Variants in THAP2 observed in about 807,000 individuals in gnomAD.
THAP2 encodes the protein THAP domain containing 2.
In THAP2, 16 loss-of-function variants were observed where a neutral mutation model predicts 18.8. The observed-to-expected ratio is 0.85, with a 90% CI of 0.58 to 1.29. The LOEUF (loss-of-function observed/expected upper bound fraction) is 1.29. Ranked by LOEUF, THAP2 falls within the 50% of genes most tolerant of loss-of-function variation. The pLI is 0.00. For missense variants in THAP2, 251 were observed against 265.3 expected, an observed-to-expected ratio of 0.95 and a Z score of 0.38; for synonymous variants, 80 against 89.2, an observed-to-expected ratio of 0.90 and a Z score of 0.58.
At chr12:71,670,104 GT>G (rs1284932344) in intron 1 of THAP2, among the ~76,000 whole-genome samples, 1 of 152,102 alleles carries the variant, frequency 6.6e-6, no homozygotes, top group African/African-American at 2.4e-5. Flanking sequence ...AGTGTTGACT[GT>G]AAATCCAGAC....
In THAP2 at chr12:71,678,240, A is replaced by G. The variant is rs1437430787; in HGVS notation, c.*1132A>G. On this transcript the variant is annotated 3_prime_UTR_variant, in exon 3 of 3. Coordinates refer to ENST00000308086, the MANE Select transcript of THAP2 (RefSeq NM_031435.4). Reference sequence around the variant, plus strand: ...AACCTAGGAGGTTGAGGCTATAGTGAGCTGTGATTGCACGACTGCACTCCA... The same window carrying G: ...AACCTAGGAGGTTGAGGCTATAGTGGGCTGTGATTGCACGACTGCACTCCA... 2 of 152,468 alleles carry G rather than the reference A, an allele frequency of 1.3e-5. No individual in the cohort carries two copies. Among genetic ancestry groups the G allele is most frequent in the African/African-American group, 4.8e-5 (2 of 41,404 alleles). The allele number at this position is 152,468 out of a possible 1,614,324, so 9.4% of individuals were successfully genotyped here. A position where few individuals can be genotyped will look rare whatever the true frequency, so the allele number is the denominator to read the frequency against.
intron 1 of THAP2, among the ~76,000 whole-genome samples, chr12:71,672,688 C>T (rs1050866493): frequency 2.0e-5 from 3 of 151,550 alleles, no homozygotes; most frequent in African/African-American, 7.3e-5. Context: ...TGGCAGGCAA[C>T]AACAGCTGCA....
chr12:71,667,444 C>T (rs1393452093), intron 1 of THAP2: 1 of 152,218 alleles, frequency 6.6e-6, no homozygotes, highest in Admixed American at 6.5e-5. Context: ...CAAGTGTCTA[C>T]TCAGTATTTC....
rs1881290170 is a variant in THAP2 at position 71,664,500 on chromosome 12, G to T, written c.-10G>T. 6.2e-7 allele frequency: 1 copy of T among 1,614,148 alleles called. No homozygotes were observed. Among genetic ancestry groups the T allele is most frequent in the Non-Finnish European group, 8.5e-7 (1 of 1,180,032 alleles). On this transcript the variant is annotated 5_prime_UTR_variant, in exon 1 of 3. Coordinates refer to ENST00000308086, the MANE Select transcript of THAP2 (RefSeq NM_031435.4). ...GAGACCTAAGGGCGCTGAATGAGTG[G>T]GAAAGGGAAATGCCGACCAATTGCG... is the stretch of plus-strand genomic sequence containing the variant.
chr12:71,671,519 A>T lies in THAP2; in HGVS notation c.72-2684A>T, dbSNP rs77501953. Among the ~76,000 whole-genome samples the T allele has an allele frequency of 8.8e-3, 1,340 of 152,310 alleles. 12 individuals are homozygous for T. The highest frequency in any genetic ancestry group is 0.015 in the Non-Finnish European group (1,032 of 68,024). On this transcript the variant is annotated intron_variant, in intron 1 of 2. Coordinates refer to ENST00000308086, the MANE Select transcript of THAP2 (RefSeq NM_031435.4). ...GCCCACCTTTTTTGCCATATCAACAATCTCATTCATGATTTCCCTTATCAG... is the reference window on the plus strand; with the variant it reads ...GCCCACCTTTTTTGCCATATCAACATTCTCATTCATGATTTCCCTTATCAG...
At chr12:71,674,060 T>C (rs1881482957) in intron 1 of THAP2, 143 bp from the exon 2 acceptor site, 1 of 756,402 alleles carries the variant, frequency 1.3e-6, no homozygotes, top group African/African-American at 1.7e-5. Context: ...TTGGTTTCTG[T>C]TCCAGTGTCT....
chr12:71,673,832 G>C (rs1881479211), intron 1 of THAP2, among the ~76,000 whole-genome samples: 1 of 152,074 alleles, frequency 6.6e-6, no homozygotes. Flanking sequence ...GATTTTTCTT[G>C]ACTACATATA....
At chr12:71,675,864 C>T (rs1369169277) in intron 2 of THAP2, among the ~76,000 whole-genome samples, 1 of 151,924 alleles carries the variant, frequency 6.6e-6, no homozygotes, top group African/African-American at 2.4e-5. Context: ...AAAAATTATT[C>T]TTATGGCAGA....
intron 1 of THAP2, chr12:71,667,639 T>C (rs1224560997): frequency 6.6e-6 from 1 of 152,236 alleles, no homozygotes; most frequent in African/African-American, 2.4e-5. Flanking sequence ...AGTAGGCTCT[T>C]AACTGGCTCA....
At chr12:71,675,230 A>G (rs1881503434) in intron 2 of THAP2, among the ~76,000 whole-genome samples, 1 of 152,006 alleles carries the variant, frequency 6.6e-6, no homozygotes, top group African/African-American at 2.4e-5. Flanking sequence ...TGTAACTGTT[A>G]AACTTTTAAA....
At position 71,676,899 on chromosome 12, in the gene THAP2, C is replaced by G. The variant is rs374931585; in HGVS notation, c.478C>G (p.Arg160Gly). Residue 160 changes from arginine (R) to glycine (G), a missense_variant, in exon 3 of 3, where the codon CGC (arginine) becomes GGC (glycine). Arg to Gly is a moderately radical substitution (Grantham distance 125). Transcript: ENST00000308086. ...AATGAAAACTTGCCTACAAAAGGAACGCAGAGCAACTCGAAGATGGATCAA... is the reference window on the plus strand; with the variant it reads ...AATGAAAACTTGCCTACAAAAGGAAGGCAGAGCAACTCGAAGATGGATCAA... ...RKMKTCLQKE[R>G]RATRRWIKAT... 6.2e-7 allele frequency: 1 copy of G among 1,613,650 alleles called. No homozygotes were observed. The highest frequency in any genetic ancestry group is 8.5e-7 in the Non-Finnish European group (1 of 1,179,690).
chr12:71,665,360 T>A (rs1287872008), intron 1 of THAP2: 2 of 165,024 alleles, frequency 1.2e-5, no homozygotes, highest in African/African-American at 2.4e-5. Flanking sequence ...TATATGTTAG[T>A]ATGTAGAAAT....
At chr12:71,670,798 G>C (rs1308262906) in intron 1 of THAP2, among the ~76,000 whole-genome samples, 1 of 151,772 alleles carries the variant, frequency 6.6e-6, no homozygotes, top group Non-Finnish European at 1.5e-5. Context: ...AATTAAGCGT[G>C]CGTGGTGGCA....
intron 1 of THAP2, among the ~76,000 whole-genome samples, chr12:71,670,076 G>A (rs1196021784): frequency 6.6e-6 from 1 of 152,100 alleles, no homozygotes; most frequent in Non-Finnish European, 1.5e-5. Flanking sequence ...TGAGGGGGAT[G>A]GGGACAGAAG....
chr12:71,668,526 A>G (rs191603483), intron 1 of THAP2, among the ~76,000 whole-genome samples: 22 of 152,304 alleles, frequency 1.4e-4, no homozygotes, highest in South Asian at 1.0e-3. Flanking sequence ...TATGCAAAGG[A>G]GCCAGGATTG....
At position 71,674,367 on chromosome 12, in the gene THAP2, T is replaced by C; in HGVS notation, c.236T>C (p.Ile79Thr). ...CTTAAAATGGATGCTGTTCCAACCATTTTTGATTTTTGTACCCATATAAAG... is the reference window on the plus strand; with the variant it reads ...CTTAAAATGGATGCTGTTCCAACCACTTTTGATTTTTGTACCCATATAAAG... The part of the protein sequence containing the change: ...RRLKMDAVPT[I>T]FDFCTHIKSM... Residue 79 changes from isoleucine (I) to threonine (T), a missense_variant, in exon 2 of 3, where the codon ATT (isoleucine) becomes ACT (threonine). Ile to Thr is a moderately conservative substitution (Grantham distance 89). Coordinates refer to ENST00000308086, the MANE Select transcript of THAP2 (RefSeq NM_031435.4). The C allele has an allele frequency of 1.2e-6, 2 of 1,610,336 alleles. No individual in the cohort carries two copies. Among genetic ancestry groups the C allele is most frequent in the East Asian group, 4.5e-5 (2 of 44,836 alleles).
chr12:71,676,626 A>T (rs1881523738), intron 2 of THAP2, 63 bp from the exon 3 acceptor site: 2 of 1,498,012 alleles, frequency 1.3e-6, no homozygotes, highest in Non-Finnish European at 8.9e-7. Flanking sequence ...AAAACTGGAC[A>T]CTATGTGCTT....
intron 1 of THAP2, among the ~76,000 whole-genome samples, chr12:71,669,824 G>C (rs893601208): frequency 6.6e-6 from 1 of 151,962 alleles, no homozygotes; most frequent in Admixed American, 6.6e-5. Context: ...GCCAGGTGTG[G>C]TGGGCACCTA....
chr12:71,680,144 C>T lies in THAP2; in HGVS notation c.*3036C>T, dbSNP rs1196659173. 1 of 152,108 alleles carries T rather than the reference C, an allele frequency of 6.6e-6. No homozygotes were observed. The highest frequency in any genetic ancestry group is 1.5e-5 in the Non-Finnish European group (1 of 67,986). The allele number at this position is 152,108 out of a possible 1,614,324, so 9.4% of individuals were successfully genotyped here. ...CATTCTGTGTGGTAGGTGGTATTAT[C>T]TCTGATTTACACATGAAGACATCCT... On this transcript the variant is annotated 3_prime_UTR_variant, in exon 3 of 3. Coordinates refer to ENST00000308086, the MANE Select transcript of THAP2 (RefSeq NM_031435.4).
Sources: allele counts gnomAD v4.1 joint callset (sites outside exome capture counted in the v4.1 genomes callset), GRCh38; gene constraint gnomAD v4.1.1; transcripts MANE v1.5; gene names NCBI Gene and HGNC (gene_info 2026-07-23, HGNC 2026-07-21).